Variants in CAMK1D observed in about 807,000 individuals in gnomAD.
The protein encoded by CAMK1D is calcium/calmodulin dependent protein kinase ID.
CAMK1D carries 9 observed loss-of-function variants against 47.7 expected under a neutral mutation model. The observed-to-expected ratio is 0.19, with a 90% confidence interval of 0.11 to 0.33. The LOEUF (loss-of-function observed/expected upper bound fraction) is 0.33. Ranked by LOEUF, CAMK1D falls within the 10% of genes least tolerant of loss-of-function variation. The probability of loss-of-function intolerance (pLI) is 1.00; values close to 1 mark genes in which losing one functional copy is unlikely to be tolerated. For missense variants in CAMK1D, 291 were observed against 488.7 expected, an observed-to-expected ratio of 0.60 and a Z score of 3.81; for synonymous variants, 184 against 184.9, an observed-to-expected ratio of 0.99 and a Z score of 0.04.
intron 2 of CAMK1D, among the ~76,000 whole-genome samples, chr10:12,623,054 TC>T (rs1839049731): frequency 3.8e-5 from 2 of 52,760 alleles, no homozygotes; most frequent in Middle Eastern, 7.4e-3. Context: ...CCTCCCTCCC[TC>T]CCTCCCTCCC....
chr10:12,489,563 G>A (rs1302108854), intron 1 of CAMK1D, among the ~76,000 whole-genome samples: 1 of 152,212 alleles, frequency 6.6e-6, no homozygotes, highest in Non-Finnish European at 1.5e-5. Flanking sequence ...GGCTCTTGGG[G>A]TGGCCTTGGG....
At chr10:12,595,139 C>G (rs545124552) in intron 2 of CAMK1D, among the ~76,000 whole-genome samples, 23 of 151,886 alleles carry the variant, frequency 1.5e-4, no homozygotes, top group African/African-American at 5.1e-4. Context: ...GTCAGGAGTT[C>G]AATACCATCC....
chr10:12,826,695 C>T (rs1833220928), intron 10 of CAMK1D, among the ~76,000 whole-genome samples: 1 of 152,194 alleles, frequency 6.6e-6, no homozygotes, highest in African/African-American at 2.4e-5. Context: ...GATTCCCTTC[C>T]TCTCTAAGGA....
chr10:12,394,104 C>A (rs1442208101), intron 1 of CAMK1D, among the ~76,000 whole-genome samples: 25 of 152,204 alleles, frequency 1.6e-4, no homozygotes, highest in Admixed American at 1.6e-3. Flanking sequence ...TCCCAACACA[C>A]GTTTGATCGT....
intron 1 of CAMK1D, among the ~76,000 whole-genome samples, chr10:12,514,683 C>G (rs1239919559): frequency 6.6e-6 from 1 of 152,164 alleles, no homozygotes; most frequent in African/African-American, 2.4e-5. Flanking sequence ...TTACAGAGTA[C>G]GAAGCTAGCA....
chr10:12,484,054 TG>T (rs1477537270), intron 1 of CAMK1D, among the ~76,000 whole-genome samples: 2 of 152,176 alleles, frequency 1.3e-5, no homozygotes, highest in East Asian at 3.9e-4. Flanking sequence ...GGTGTGAGGT[TG>T]GTGCCCGCAG....
At chr10:12,490,546 C>T (rs2478973) in intron 1 of CAMK1D, among the ~76,000 whole-genome samples, 105,724 of 152,098 alleles carry the variant, frequency 0.7, 37,036 homozygotes, top group East Asian at 0.97. Flanking sequence ...CACTCTATAA[C>T]GAAAAGAAAA....
At chr10:12,463,724 T>C (rs973497920) in intron 1 of CAMK1D, among the ~76,000 whole-genome samples, 1 of 152,126 alleles carries the variant, frequency 6.6e-6, no homozygotes, top group African/African-American at 2.4e-5. Flanking sequence ...TGGTTAGGCT[T>C]TATTTCCCCA....
intron 1 of CAMK1D, among the ~76,000 whole-genome samples, chr10:12,478,015 T>C (rs563383367): frequency 7.3e-5 from 11 of 150,876 alleles, no homozygotes; most frequent in Non-Finnish European, 1.5e-4. Context: ...TTTCTTTTTT[T>C]TTTTTTTGGA....
At chr10:12,814,044 C>T (rs1832707526) in intron 6 of CAMK1D, 151 bp from the exon 7 acceptor site, 2 of 555,926 alleles carry the variant, frequency 3.6e-6, no homozygotes, top group Non-Finnish European at 6.5e-6. Flanking sequence ...CCGCCTTGGC[C>T]TCCCAAATTG....
intron 3 of CAMK1D, among the ~76,000 whole-genome samples, chr10:12,690,703 T>A (rs1447692259): frequency 3.9e-5 from 6 of 152,150 alleles, no homozygotes; most frequent in Non-Finnish European, 8.8e-5. Context: ...AGATTGTTTA[T>A]AAAGCCATGA....
chr10:12,804,030 T>G (rs1357504519), intron 6 of CAMK1D, among the ~76,000 whole-genome samples: 1 of 152,154 alleles, frequency 6.6e-6, no homozygotes, highest in East Asian at 1.9e-4. Flanking sequence ...GGGCCCTGGA[T>G]GGGGTGGGCC....
intron 3 of CAMK1D, among the ~76,000 whole-genome samples, chr10:12,734,232 G>A (rs1432401142): frequency 6.9e-6 from 1 of 144,270 alleles, no homozygotes; most frequent in African/African-American, 2.6e-5. Flanking sequence ...TGAAACAGGA[G>A]AATCGCTTGA....
intron 1 of CAMK1D, among the ~76,000 whole-genome samples, chr10:12,385,699 T>TA (rs1355733272): frequency 6.6e-6 from 1 of 151,642 alleles, no homozygotes; most frequent in East Asian, 1.9e-4. Context: ...TGATGGTCAT[T>TA]ACACAGTTCT....
At chr10:12,574,746 C>T (rs1220535454) in intron 2 of CAMK1D, among the ~76,000 whole-genome samples, 4 of 152,104 alleles carry the variant, frequency 2.6e-5, no homozygotes, top group Admixed American at 1.3e-4. Flanking sequence ...CATGGTTCTG[C>T]AGGCTGTACT....
chr10:12,475,477 G>C lies in CAMK1D; in HGVS notation c.93-77748G>C, dbSNP rs117522255. 7.0e-4 allele frequency among the ~76,000 whole-genome samples: 107 copies of C among 152,242 alleles called. 4 individuals are homozygous for C. In the East Asian group the frequency reaches 0.019, roughly 27 times the overall value. On this transcript the variant is annotated intron_variant, in intron 1 of 10. Coordinates refer to ENST00000619168, the MANE Select transcript of CAMK1D (RefSeq NM_153498.4). The stretch of plus-strand genomic sequence containing the variant: ...AGGATTTCCTTCCCCATTAAGCCTG[G>C]GTAATATTCCACTGTCTGGCTGTAC...
At chr10:12,417,339 G>C (rs1343691978) in intron 1 of CAMK1D, among the ~76,000 whole-genome samples, 1 of 152,180 alleles carries the variant, frequency 6.6e-6, no homozygotes, top group Non-Finnish European at 1.5e-5. Context: ...GCTCCAGGGA[G>C]GTTTGAACAG....
chr10:12,408,909 A>G (rs1839552412), intron 1 of CAMK1D, among the ~76,000 whole-genome samples: 1 of 137,334 alleles, frequency 7.3e-6, no homozygotes. Context: ...GCTGGAGTGC[A>G]GTGGCGCGAT....
chr10:12,736,416 A>G (rs1437289304), intron 3 of CAMK1D, among the ~76,000 whole-genome samples: 2 of 152,212 alleles, frequency 1.3e-5, no homozygotes, highest in African/African-American at 2.4e-5. Context: ...GGATAATTCT[A>G]TTCGGCGAGT....
Sources: allele counts gnomAD v4.1 joint callset (sites outside exome capture counted in the v4.1 genomes callset), GRCh38; gene constraint gnomAD v4.1.1; transcripts MANE v1.5; gene names NCBI Gene and HGNC (gene_info 2026-07-23, HGNC 2026-07-21).